The following MBD2 variants were observed in gnomAD, a reference collection of about 807,000 sequenced individuals.
The protein encoded by MBD2 is methyl-CpG binding domain protein 2, also known as methyl-CpG-binding domain protein 2.
MBD2 carries 9 observed loss-of-function variants against 39.3 expected under a neutral mutation model. The ratio of observed to expected loss-of-function variants is 0.23; its 90% CI spans 0.14 to 0.40. The LOEUF (loss-of-function observed/expected upper bound fraction) is 0.40. Among genes scored for constraint, MBD2 ranks in the 10% least tolerant of loss-of-function variants. MBD2 has a pLI of 1.00. For synonymous variants in MBD2, 233 were observed against 211.1 expected (o/e 1.10, Z -0.90); for missense variants, 458 against 532.6 (o/e 0.86, Z 1.38).
intron 6 of MBD2, among the ~76,000 whole-genome samples, chr18:54,155,955 C>A (rs762098224): frequency 1.1e-4 from 16 of 152,078 alleles, no homozygotes; most frequent in Non-Finnish European, 2.1e-4. Flanking sequence ...TAAATTGCGG[C>A]CTGTTATTTA....
At chr18:54,205,628 G>A (rs1249087341) in intron 1 of MBD2, among the ~76,000 whole-genome samples, 1 of 151,364 alleles carries the variant, frequency 6.6e-6, no homozygotes, top group Non-Finnish European at 1.5e-5. Context: ...AGTTTTACAG[G>A]GAACTCCGTA....
chr18:54,208,407 G>A (rs888982981), intron 1 of MBD2, among the ~76,000 whole-genome samples: 13 of 151,946 alleles, frequency 8.6e-5, no homozygotes, highest in Admixed American at 2.0e-4. Context: ...CAGGAGAATC[G>A]CTTGAACCCA....
chr18:54,187,689 T>C, intron 3 of MBD2: 1 of 985,854 alleles, frequency 1.0e-6, no homozygotes, highest in Non-Finnish European at 1.2e-6. Flanking sequence ...GTACGCATCT[T>C]TTATGTTGGA....
intron 2 of MBD2, among the ~76,000 whole-genome samples, chr18:54,190,207 T>G (rs1007984530): frequency 6.6e-6 from 1 of 152,204 alleles, no homozygotes; most frequent in African/African-American, 2.4e-5. Context: ...ACAGTAGGTC[T>G]TTGAATAATG....
At chr18:54,159,451 T>C in intron 6 of MBD2, among the ~76,000 whole-genome samples, 1 of 151,346 alleles carries the variant, frequency 6.6e-6, no homozygotes, top group African/African-American at 2.4e-5. Context: ...GGGGTTTCAC[T>C]CTGTCACCCA....
rs560450038 is a variant in MBD2, at chr18:54,206,019, A to G, written c.543-862T>C. 2.0e-5 allele frequency among the ~76,000 whole-genome samples: 3 copies of G among 152,182 alleles called. No individual in the cohort carries two copies. In the South Asian group the frequency reaches 6.2e-4, roughly 32 times the overall value. ...AATCTATGTGATATCTGAGCTACCA[A>G]TTTGGGCTCATAACACTCACAATAA... On this transcript the variant is annotated intron_variant, in intron 1 of 6. Transcript: ENST00000256429.
In MBD2 at chr18:54,178,183, C is replaced by T. The variant is rs117542127; in HGVS notation, c.840+10691G>A. Among the ~76,000 whole-genome samples, 286 of 152,166 alleles carry T rather than the reference C, an allele frequency of 1.9e-3. 1 individual carries two copies. Among genetic ancestry groups the T allele is most frequent in the South Asian group, 3.3e-3 (16 of 4,818 alleles). ...ACCAATACATCGAGAAATAGAAGTA[C>T]ATATGCACTATTTAGAATATGACAT... On this transcript the variant is annotated intron_variant, in intron 3 of 6. Transcript: ENST00000256429.
intron 5 of MBD2, among the ~76,000 whole-genome samples, chr18:54,161,024 C>T (rs1217606638): frequency 6.6e-6 from 1 of 151,818 alleles, no homozygotes; most frequent in East Asian, 1.9e-4. Flanking sequence ...AGACAGATTG[C>T]AGCAATTCCC....
At chr18:54,213,085 C>CGGGG (rs778109166) in intron 1 of MBD2, among the ~76,000 whole-genome samples, 13 of 72,374 alleles carry the variant, frequency 1.8e-4, no homozygotes, top group African/African-American at 6.4e-4. Context: ...ATTATGGGGG[C>CGGGG]GGGGGGGGGG....
At chr18:54,223,484 C>T (rs2086631949) in intron 1 of MBD2, among the ~76,000 whole-genome samples, 1 of 152,198 alleles carries the variant, frequency 6.6e-6, no homozygotes, top group African/African-American at 2.4e-5. Flanking sequence ...AAACTTAGTA[C>T]AGTGTGTCAG....
intron 3 of MBD2, among the ~76,000 whole-genome samples, chr18:54,166,542 C>T (rs615696): frequency 0.84 from 128,005 of 152,256 alleles, 54,338 homozygotes; most frequent in East Asian, 1. Flanking sequence ...AAACAAATTA[C>T]GTGATGTGTT....
In MBD2 at chr18:54,205,254, C is replaced by A. The variant is rs185411070; in HGVS notation, c.543-97G>T. On this transcript the variant is annotated intron_variant, in intron 1 of 6. Transcript: ENST00000256429. ...CCCTACCCTCAATTGATACCCCATT[C>A]TAATTTTACATATTTTTAAAGAAAT... 3.8e-6 allele frequency: 4 copies of A among 1,045,234 alleles called. No individual in the cohort carries two copies. The East Asian group carries it at 7.6e-5, about 20-fold the overall frequency. The allele number at this position is 1,045,234 out of a possible 1,614,324, so 64.7% of individuals were successfully genotyped here. A position where few individuals can be genotyped will look rare whatever the true frequency, so the allele number is the denominator to read the frequency against.
At position 54,224,583 on chromosome 18, in the gene MBD2, T is replaced by G. The variant is rs1047790549; in HGVS notation, c.-24A>C. On this transcript the variant is annotated 5_prime_UTR_variant, in exon 1 of 7. Coordinates refer to ENST00000256429, the MANE Select transcript of MBD2 (RefSeq NM_003927.5). The stretch of plus-strand genomic sequence containing the variant: ...ATCCAGCCCCCTCCCCAGCCGGCGC[T>G]GCGCTTCTTCCGTAACCGAGCCCTT... 7 of 1,214,776 alleles carry G rather than the reference T, an allele frequency of 5.8e-6. No homozygotes were observed. The highest frequency in any genetic ancestry group is 6.2e-6 in the Non-Finnish European group (6 of 975,416). 75.2% of individuals were successfully genotyped at this position (1,214,776 alleles called of 1,614,324 possible).
intron 3 of MBD2, among the ~76,000 whole-genome samples, chr18:54,180,903 CT>C (rs1189903798): frequency 3.2e-4 from 16 of 49,882 alleles, no homozygotes; most frequent in Middle Eastern, 0.014. Flanking sequence ...TTTTCTTTTT[CT>C]TTTTTTTTTT....
Position 54,210,718 on chromosome 18 carries a change from T to C in MBD2, c.543-5561A>G, listed in dbSNP as rs375942400. On this transcript the variant is annotated intron_variant, in intron 1 of 6. Coordinates refer to ENST00000256429, the MANE Select transcript of MBD2 (RefSeq NM_003927.5). ...GTGTCACAGATGGCAGATGGCTAGC[T>C]AGATAGCTAAACAGCATGTTCAGAG... Among the ~76,000 whole-genome samples, 181 of 152,208 alleles carry C rather than the reference T, an allele frequency of 1.2e-3. 6 individuals carry two copies. The South Asian group carries it at 0.037, about 31-fold the overall frequency.
intron 1 of MBD2, among the ~76,000 whole-genome samples, chr18:54,214,367 T>C (rs1372123174): frequency 6.6e-6 from 1 of 152,114 alleles, no homozygotes; most frequent in African/African-American, 2.4e-5. Flanking sequence ...AGCTAATTTT[T>C]AAAAATTTTT....
intron 3 of MBD2, among the ~76,000 whole-genome samples, chr18:54,185,530 C>T (rs1325418798): frequency 6.6e-6 from 1 of 151,924 alleles, no homozygotes; most frequent in Non-Finnish European, 1.5e-5. Flanking sequence ...ATGACAGCAG[C>T]AAAGAAATAA....
In MBD2 at chr18:54,154,107, CTA is replaced by C. The variant is rs1345523558; in HGVS notation, c.*1215_*1216del. 6.6e-6 allele frequency: 1 copy of C among 152,174 alleles called. No homozygotes were observed. The highest frequency in any genetic ancestry group is 1.5e-5 in the Non-Finnish European group (1 of 68,042). The allele number at this position is 152,174 out of a possible 1,614,324, so 9.4% of individuals were successfully genotyped here. ...GAGTTAAGAAATAAACACACCTTTTCTATAGAATGATTTTACTTTTGCTCTGT... is the reference window on the plus strand; with the variant it reads ...GAGTTAAGAAATAAACACACCTTTTCTAGAATGATTTTACTTTTGCTCTGT... On this transcript the variant is annotated 3_prime_UTR_variant, in exon 7 of 7. Transcript: ENST00000256429.
intron 1 of MBD2, among the ~76,000 whole-genome samples, chr18:54,215,649 C>T (rs1282572303): frequency 2.0e-5 from 3 of 151,944 alleles, no homozygotes; most frequent in African/African-American, 7.3e-5. Context: ...ACACACATCA[C>T]CACGCCCATC....
Sources: gnomAD v4.1 joint callset for allele counts (sites outside exome capture counted in the v4.1 genomes callset) on GRCh38, gnomAD v4.1.1 for gene constraint, MANE v1.5 for transcripts, NCBI Gene and HGNC (gene_info 2026-07-23, HGNC 2026-07-21) for gene names.